RIOX1: variants seen among roughly 807,000 people sequenced by gnomAD.
The protein encoded by RIOX1 is 60S ribosomal protein L8 histidine hydroxylase.
RIOX1 carries 33 observed loss-of-function variants against 44.6 expected under a neutral mutation model. That is an observed-to-expected ratio of 0.74 (90% confidence interval 0.56 to 0.99). The LOEUF (loss-of-function observed/expected upper bound fraction) is 0.99, where lower values mean the gene tolerates loss of function less well. Among genes scored for constraint, RIOX1 ranks in the 50% least tolerant of loss-of-function variants. The probability of loss-of-function intolerance (pLI) is 0.00; values close to 1 mark genes in which losing one functional copy is unlikely to be tolerated. For missense variants in RIOX1, 821 were observed against 871.7 expected, an observed-to-expected ratio of 0.94 and a Z score of 0.73; for synonymous variants, 387 against 395.8, an observed-to-expected ratio of 0.98 and a Z score of 0.26.
Position 73,492,497 on chromosome 14 carries a change from G to C in RIOX1, c.1480G>C (p.Val494Leu), listed in dbSNP as rs758170691. 4 of 1,613,586 alleles carry C rather than the reference G, an allele frequency of 2.5e-6. No individual in the cohort carries two copies. The Admixed American group carries it at 5.0e-5, about 20-fold the overall frequency. Residue 494 changes from valine to leucine, a missense_variant, in exon 1 of 1, where the codon GTT (valine) becomes CTT (leucine). Val to Leu is a conservative substitution (Grantham distance 32). Around this residue, in one of 2 missense-constraint regions of RIOX1, gnomAD observed 267 missense variants for 340.5 expected, o/e 0.78. Coordinates refer to ENST00000304061, the MANE Select transcript of RIOX1 (RefSeq NM_024644.5). This position sits in a 1 kb window ranked among gnomAD's most constrained non-coding sequence, Gnocchi z 4.9. ...TGCCCGCCTGGGACACTTTGCTCCT[G>C]TTGATGCTGTGGCCGACCAGCGAGC... ...LVARLGHFAP[V>L]DAVADQRAKD...
chr14:73,492,830 T>A lies in RIOX1; in HGVS notation c.1813T>A (p.Phe605Ile). The A allele has an allele frequency of 6.2e-7, 1 of 1,613,744 alleles. No homozygotes were observed. The highest frequency in any genetic ancestry group is 8.5e-7 in the Non-Finnish European group (1 of 1,179,846). ...MELLLGSYPE[F>I]VRVGDLPCDS... ...ACTGTTGCTTGGTTCTTATCCAGAG[T>A]TTGTGAGAGTGGGGGACCTGCCCTG... The change falls in exon 1 of 1, where the codon TTT (phenylalanine) becomes ATT (isoleucine). Residue 605 changes from phenylalanine (F) to isoleucine (I), a missense_variant. Phe to Ile is a conservative substitution (Grantham distance 21). This residue lies in a region of RIOX1 where 267 missense variants were observed against 340.5 expected (regional missense o/e 0.78). Transcript: ENST00000304061. This position sits in a 1 kb window ranked among gnomAD's most constrained non-coding sequence, Gnocchi z 4.9.
rs759776638 is a variant in RIOX1, at chr14:73,491,046, C to G, written c.29C>G (p.Pro10Arg). ...GATGGGCTCCAGGCCAGTGCAGGGC[C>G]GTTGAGGCGCGGGCGGCCGAAGCGC... MDGLQASAG[P>R]LRRGRPKRRR... Residue 10 changes from proline (P) to arginine (R), a missense_variant, in exon 1 of 1, where the codon CCG becomes CGG. Pro to Arg is a moderately radical substitution (Grantham distance 103). Around this residue, in one of 2 missense-constraint regions of RIOX1, gnomAD observed 554 missense variants for 531.2 expected, o/e 1.04. Transcript: ENST00000304061. 1.6e-5 allele frequency: 26 copies of G among 1,586,916 alleles called. No homozygotes were observed. In the African/African-American group the frequency reaches 3.3e-4, roughly 20 times the overall value.
chr14:73,491,568 C>T lies in RIOX1; in HGVS notation c.551C>T (p.Pro184Leu). The T allele has an allele frequency of 6.5e-7, 1 of 1,541,242 alleles. No homozygotes were observed. Among genetic ancestry groups the T allele is most frequent in the East Asian group, 2.5e-5 (1 of 40,810 alleles). ...NTGGEPAWDS[P>L]LRRVLAELNR... ...GGTGGGGAGCCGGCCTGGGACTCCC[C>T]GCTGCGGCGCGTCTTGGCCGAGCTG... Residue 184 changes from proline (P) to leucine (L), a missense_variant, in exon 1 of 1, where the codon CCG (proline) becomes CTG (leucine). Physicochemically the swap from Pro to Leu is moderately conservative, Grantham distance 98 (BLOSUM62 -3). Transcript: ENST00000304061.
Position 73,491,970 on chromosome 14 carries a change from A to G in RIOX1, c.953A>G (p.Gln318Arg). 2 of 1,613,958 alleles carry G rather than the reference A, an allele frequency of 1.2e-6. No individual in the cohort carries two copies. The highest frequency in any genetic ancestry group is 8.5e-7 in the Non-Finnish European group (1 of 1,179,876). The change falls in exon 1 of 1, where the codon CAG becomes CGG. Residue 318 changes from glutamine (Q) to arginine (R), a missense_variant. This residue lies in a region of RIOX1 where 554 missense variants were observed against 531.2 expected (regional missense o/e 1.04). Transcript: ENST00000304061. The stretch of plus-strand genomic sequence containing the variant: ...CAGTTTTTGGCTGTGCTTCAAGAGC[A>G]GTTTGGAAGCATGGCAGGCTCCAAC... ...VWQFLAVLQE[Q>R]FGSMAGSNVY...
Position 73,491,657 on chromosome 14 carries a change from C to T in RIOX1, c.640C>T (p.Pro214Ser). The T allele has an allele frequency of 5.8e-6, 9 of 1,549,790 alleles. No individual in the cohort carries two copies. Among genetic ancestry groups the T allele is most frequent in the Non-Finnish European group, 7.8e-6 (9 of 1,147,124 alleles). Residue 214 changes from proline to serine, a missense_variant, in exon 1 of 1, where the codon CCG becomes TCG. Pro to Ser is a moderately conservative substitution (Grantham distance 74). Coordinates refer to ENST00000304061, the MANE Select transcript of RIOX1 (RefSeq NM_024644.5). Reference protein sequence around the residue: ...RLFEWLIAPMPPDHFYRRLWE... With the variant: ...RLFEWLIAPMSPDHFYRRLWE... ...CTTTGAGTGGCTCATCGCGCCCATG[C>T]CGCCAGATCACTTTTACCGGCGCCT...
chr14:73,491,926 T>C lies in RIOX1; in HGVS notation c.909T>C (p.Ala303=), dbSNP rs770452097. Reference sequence around the variant, plus strand: ...CCCTGCGTCTCCTCTGTCCGCAGGCTTTCTCTACTACTGTGTGGCAGTTTT... The same window carrying C: ...CCCTGCGTCTCCTCTGTCCGCAGGCCTTCTCTACTACTGTGTGGCAGTTTT... ...GCSLRLLCPQ[A]FSTTVWQFLA... The change falls in exon 1 of 1, where the codon GCT becomes GCC. Residue 303 remains alanine (A), a synonymous_variant. Transcript: ENST00000304061. 1 of 1,613,618 alleles carries C rather than the reference T, an allele frequency of 6.2e-7. No individual in the cohort carries two copies. The highest frequency in any genetic ancestry group is 1.7e-5 in the Admixed American group (1 of 59,952).
rs368447512 is a variant in RIOX1, at chr14:73,492,144, A to G, written c.1127A>G (p.Asn376Ser). The G allele has an allele frequency of 3.3e-4, 533 of 1,613,798 alleles. 2 individuals are homozygous for G. Among genetic ancestry groups the G allele is most frequent in the Non-Finnish European group, 4.2e-4 (496 of 1,179,824 alleles). The change falls in exon 1 of 1, where the codon AAC becomes AGC. Residue 376 changes from asparagine to serine, a missense_variant. Asn to Ser is a conservative substitution (Grantham distance 46). Around this residue, in one of 2 missense-constraint regions of RIOX1, gnomAD observed 267 missense variants for 340.5 expected, o/e 0.78. Transcript: ENST00000304061. This position sits in a 1 kb window ranked among gnomAD's most constrained non-coding sequence, Gnocchi z 4.9. ...GAACTGGCTCTGACATCCAGCCCCA[A>G]CTTCAGTCAGGACGACCTCGGTGAG... The part of the protein sequence containing the change: ...TEELALTSSP[N>S]FSQDDLGEPV...
Position 73,492,823 on chromosome 14 carries a change from T to C in RIOX1, c.1806T>C (p.Tyr602=), listed in dbSNP as rs760477509. The C allele has an allele frequency of 5.6e-6, 9 of 1,613,952 alleles. No individual in the cohort carries two copies. The highest frequency in any genetic ancestry group is 1.1e-5 in the South Asian group (1 of 91,088). Reference sequence around the variant, plus strand: ...CCATGGAACTGTTGCTTGGTTCTTATCCAGAGTTTGTGAGAGTGGGGGACC... The same window carrying C: ...CCATGGAACTGTTGCTTGGTTCTTACCCAGAGTTTGTGAGAGTGGGGGACC... ...ADAMELLLGS[Y]PEFVRVGDLP... is the part of the protein sequence containing the mutation. The change falls in exon 1 of 1, where the codon TAT becomes TAC. Residue 602 remains tyrosine (Y), a synonymous_variant. Transcript: ENST00000304061. This position sits in a 1 kb window ranked among gnomAD's most constrained non-coding sequence, Gnocchi z 4.9.
At position 73,491,436 on chromosome 14, in the gene RIOX1, T is replaced by C. The variant is rs1885731370; in HGVS notation, c.419T>C (p.Val140Ala). 1.5e-6 allele frequency: 2 copies of C among 1,358,484 alleles called. No individual in the cohort carries two copies. The highest frequency in any genetic ancestry group is 1.5e-5 in the African/African-American group (1 of 64,982). The allele number at this position is 1,358,484 out of a possible 1,614,324, so 84.2% of individuals were successfully genotyped here. ...CTGGTGGAGGTGCCCGCCGCGCCGG[T>C]CCGGGTGGTGGAGACCTCGGCCCTG... ...ARLVEVPAAP[V>A]RVVETSALLC... is the part of the protein sequence containing the mutation. Residue 140 changes from valine to alanine, a missense_variant, in exon 1 of 1, where the codon GTC (valine) becomes GCC (alanine). Val to Ala is a moderately conservative substitution (Grantham distance 64, BLOSUM62 0). Coordinates refer to ENST00000304061, the MANE Select transcript of RIOX1 (RefSeq NM_024644.5).
rs1027292258 is a variant in RIOX1 at position 73,491,572 on chromosome 14, G to T, written c.555G>T (p.Leu185=). 1.3e-6 allele frequency: 2 copies of T among 1,542,002 alleles called. No individual in the cohort carries two copies. Among genetic ancestry groups the T allele is most frequent in the Non-Finnish European group, 1.7e-6 (2 of 1,145,010 alleles). The part of the protein sequence containing the change: ...TGGEPAWDSP[L]RRVLAELNRI... ...GGGAGCCGGCCTGGGACTCCCCGCT[G>T]CGGCGCGTCTTGGCCGAGCTGAACC... Residue 185 remains leucine, a synonymous_variant, in exon 1 of 1, where the codon CTG becomes CTT. Coordinates refer to ENST00000304061, the MANE Select transcript of RIOX1 (RefSeq NM_024644.5).
chr14:73,491,763 C>G lies in RIOX1; in HGVS notation c.746C>G (p.Ser249Trp), dbSNP rs1378528235. The change falls in exon 1 of 1, where the codon TCG becomes TGG. Residue 249 changes from serine (S) to tryptophan (W), a missense_variant. Ser to Trp is a radical substitution (Grantham distance 177). Transcript: ENST00000304061. ...CTTTTCTCTACCGCTGACCTGGATT[C>G]GATGCTGCGCAACGAGGAGGTGCAG... is the stretch of plus-strand genomic sequence containing the variant. Reference protein sequence around the residue: ...QGLFSTADLDSMLRNEEVQFG... With the variant: ...QGLFSTADLDWMLRNEEVQFG... 1.3e-6 allele frequency: 2 copies of G among 1,565,430 alleles called. No homozygotes were observed. The highest frequency in any genetic ancestry group is 1.7e-6 in the Non-Finnish European group (2 of 1,155,740).
chr14:73,493,221 T>G lies in RIOX1; in HGVS notation c.*278T>G. 1.0e-6 allele frequency: 1 copy of G among 985,172 alleles called. No homozygotes were observed. The highest frequency in any genetic ancestry group is 1.6e-6 in the Non-Finnish European group (1 of 619,038). 61.0% of individuals were successfully genotyped at this position (985,172 alleles called of 1,614,324 possible). ...CAACTTCATCACCTTCAGGCTTCAGTGTACTGGGTAACACTGACCATGTCG... is the reference window on the plus strand; with the variant it reads ...CAACTTCATCACCTTCAGGCTTCAGGGTACTGGGTAACACTGACCATGTCG... On this transcript the variant is annotated 3_prime_UTR_variant, in exon 1 of 1. Coordinates refer to ENST00000304061, the MANE Select transcript of RIOX1 (RefSeq NM_024644.5).
chr14:73,491,167 G>GGCA lies in RIOX1; in HGVS notation c.153_155dup (p.Ala52dup). ...AGCTGCGAAGTGTTGTATCCCGCAT[G>GGCA]GCAGCGCTGAGGACGCAGACGCTGC... On this transcript the variant is annotated inframe_insertion, in exon 1 of 1. Coordinates refer to ENST00000304061, the MANE Select transcript of RIOX1 (RefSeq NM_024644.5). 1.2e-6 allele frequency: 2 copies of GGCA among 1,603,532 alleles called. No individual in the cohort carries two copies.
rs1418942340 is a variant in RIOX1 at position 73,492,468 on chromosome 14, T to C, written c.1451T>C (p.Leu484Ser). The change falls in exon 1 of 1, where the codon TTG becomes TCG. Residue 484 changes from leucine (L) to serine (S), a missense_variant. Leu to Ser is a moderately radical substitution (Grantham distance 145). Around this residue, in one of 2 missense-constraint regions of RIOX1, gnomAD observed 267 missense variants for 340.5 expected, o/e 0.78. Coordinates refer to ENST00000304061, the MANE Select transcript of RIOX1 (RefSeq NM_024644.5). This position sits in a 1 kb window ranked among gnomAD's most constrained non-coding sequence, Gnocchi z 4.9. ...GCTTTCATGGAGAAGGTGCGGGTCT[T>C]GGTTGCCCGCCTGGGACACTTTGCT... ...RTAFMEKVRV[L>S]VARLGHFAPV... 6.2e-6 allele frequency: 10 copies of C among 1,613,644 alleles called. No individual in the cohort carries two copies. The highest frequency in any genetic ancestry group is 7.6e-6 in the Non-Finnish European group (9 of 1,179,824).
rs1885901788 is a variant in RIOX1, at chr14:73,493,200, TTCA to T, written c.*261_*263del. 2.6e-6 allele frequency: 3 copies of T among 1,143,574 alleles called. No individual in the cohort carries two copies. The highest frequency in any genetic ancestry group is 3.1e-5 in the African/African-American group (2 of 65,456). The allele number at this position is 1,143,574 out of a possible 1,614,324, so 70.8% of individuals were successfully genotyped here. A position where few individuals can be genotyped will look rare whatever the true frequency, so the allele number is the denominator to read the frequency against. On this transcript the variant is annotated 3_prime_UTR_variant, in exon 1 of 1. Transcript: ENST00000304061. ...TCCGTGATCATTTCAGAGCACCAAC[TTCA>T]TCACCTTCAGGCTTCAGTGTACTGG...
In RIOX1 at chr14:73,491,737, A is replaced by C; in HGVS notation, c.720A>C (p.Gly240=). The C allele has an allele frequency of 1.3e-6, 2 of 1,554,110 alleles. No individual in the cohort carries two copies. Among genetic ancestry groups the C allele is most frequent in the East Asian group, 2.4e-5 (1 of 41,188 alleles). ...VRRQDHTYYQ[G]LFSTADLDSM... Reference sequence around the variant, plus strand: ...GGCAGGACCACACCTACTACCAGGGACTTTTCTCTACCGCTGACCTGGATT... The same window carrying C: ...GGCAGGACCACACCTACTACCAGGGCCTTTTCTCTACCGCTGACCTGGATT... The change falls in exon 1 of 1, where the codon GGA becomes GGC. Residue 240 remains glycine, a synonymous_variant. Coordinates refer to ENST00000304061, the MANE Select transcript of RIOX1 (RefSeq NM_024644.5).
At position 73,492,328 on chromosome 14, in the gene RIOX1, T is replaced by C; in HGVS notation, c.1311T>C (p.Pro437=). The change falls in exon 1 of 1, where the codon CCT becomes CCC. Residue 437 remains proline, a synonymous_variant. Coordinates refer to ENST00000304061, the MANE Select transcript of RIOX1 (RefSeq NM_024644.5). The surrounding 1 kb of genome is among the most constrained non-coding windows in gnomAD (Gnocchi z 4.9). The stretch of plus-strand genomic sequence containing the variant: ...GTGACTTCTTAGAGGCCATACTGCC[T>C]CTGGCAGTGCAGGCTGCAATGGAAG... ...TWGDFLEAIL[P]LAVQAAMEEN... 1 of 1,614,030 alleles carries C rather than the reference T, an allele frequency of 6.2e-7. No homozygotes were observed. The highest frequency in any genetic ancestry group is 8.5e-7 in the Non-Finnish European group (1 of 1,179,872).
rs370838005 is a variant in RIOX1, at chr14:73,492,636, C to T, written c.1619C>T (p.Ala540Val). Reference sequence around the variant, plus strand: ...GCTGGAGAACCTGTAAACGTGGGGGCCCAGTTGACAACAGAAACAGAAGTC... The same window carrying T: ...GCTGGAGAACCTGTAAACGTGGGGGTCCAGTTGACAACAGAAACAGAAGTC... ...WEAGEPVNVG[A>V]QLTTETEVHM... is the part of the protein sequence containing the mutation. Residue 540 changes from alanine (A) to valine (V), a missense_variant, in exon 1 of 1, where the codon GCC (alanine) becomes GTC (valine). Ala to Val is a moderately conservative substitution (Grantham distance 64, BLOSUM62 0). Coordinates refer to ENST00000304061, the MANE Select transcript of RIOX1 (RefSeq NM_024644.5). This position sits in a 1 kb window ranked among gnomAD's most constrained non-coding sequence, Gnocchi z 4.9. 7 of 1,613,798 alleles carry T rather than the reference C, an allele frequency of 4.3e-6. No individual in the cohort carries two copies. The African/African-American group carries it at 8.0e-5, about 18-fold the overall frequency.
Position 73,491,965 on chromosome 14 carries a change from A to G in RIOX1, c.948A>G (p.Gln316=). 3 of 1,613,956 alleles carry G rather than the reference A, an allele frequency of 1.9e-6. No individual in the cohort carries two copies. Among genetic ancestry groups the G allele is most frequent in the Non-Finnish European group, 2.5e-6 (3 of 1,179,886 alleles). ...TTVWQFLAVL[Q]EQFGSMAGSN... ...TGTGGCAGTTTTTGGCTGTGCTTCAAGAGCAGTTTGGAAGCATGGCAGGCT... is the reference window on the plus strand; with the variant it reads ...TGTGGCAGTTTTTGGCTGTGCTTCAGGAGCAGTTTGGAAGCATGGCAGGCT... The change falls in exon 1 of 1, where the codon CAA becomes CAG. Residue 316 remains glutamine, a synonymous_variant. Transcript: ENST00000304061.
Sources: gnomAD v4.1 joint callset for allele counts on GRCh38, gnomAD v4.1.1 for gene constraint, gnomAD v4.1.1 regional missense constraint, Gnocchi (gnomAD v3.1) non-coding constraint, MANE v1.5 for transcripts, NCBI Gene and HGNC (gene_info 2026-07-23, HGNC 2026-07-21) for gene names.